Variants in HEMK2 observed in about 807,000 individuals in gnomAD.
HEMK2 encodes HemK methyltransferase 2, ETF1 glutamine and histone H4 lysine.
At chr21:28,606,750 GCTT>G in the HEMK2 span, among the ~76,000 whole-genome samples, 2 of 152,142 alleles carry the variant, frequency 1.3e-5, no homozygotes, top group Non-Finnish European at 2.9e-5. Context: ...GACAGAAAAG[GCTT>G]CTGCCTCAAT....
At chr21:28,863,453 T>C in the HEMK2 span, among the ~76,000 whole-genome samples, 18 of 95,118 alleles carry the variant, frequency 1.9e-4, no homozygotes, top group African/African-American at 4.1e-4. Context: ...TATATATATA[T>C]ATATATATAT....
At chr21:28,871,254 C>T in the HEMK2 span, among the ~76,000 whole-genome samples, 2 of 152,120 alleles carry the variant, frequency 1.3e-5, no homozygotes, top group South Asian at 4.1e-4. Context: ...GCTCACGGTT[C>T]CACAGGCCGT....
At chr21:28,751,697 G>C in the HEMK2 span, among the ~76,000 whole-genome samples, 2 of 152,188 alleles carry the variant, frequency 1.3e-5, no homozygotes, top group Non-Finnish European at 2.9e-5. Context: ...GTTTGTTTTT[G>C]AGACAGAGTT....
chr21:28,662,734 AAGAAGGACGTGCTT>A, the HEMK2 span, among the ~76,000 whole-genome samples: 1,442 of 152,146 alleles, frequency 9.5e-3, 23 homozygotes, highest in African/African-American at 0.033. Context: ...CCATCATGTG[AAGAAGGACGTGCTT>A]GCTACCCTTC....
the HEMK2 span, among the ~76,000 whole-genome samples, chr21:28,687,370 G>C: frequency 1.3e-5 from 2 of 152,126 alleles, no homozygotes; most frequent in African/African-American, 4.8e-5. Context: ...AAAATAAATG[G>C]ATTGACTTAG....
chr21:28,601,604 ATCTCTCTC>A, the HEMK2 span, among the ~76,000 whole-genome samples: 594 of 126,772 alleles, frequency 4.7e-3, 4 homozygotes, highest in African/African-American at 0.012. Flanking sequence ...ACCTTCTGAC[ATCTCTCTC>A]TCTCTCTCTC....
At chr21:28,671,524 T>C in the HEMK2 span, among the ~76,000 whole-genome samples, 2 of 152,182 alleles carry the variant, frequency 1.3e-5, no homozygotes. Flanking sequence ...AAATCAAACA[T>C]TTCTGGGACT....
At chr21:28,584,396 A>G in the HEMK2 span, among the ~76,000 whole-genome samples, 1 of 152,228 alleles carries the variant, frequency 6.6e-6, no homozygotes, top group Non-Finnish European at 1.5e-5. Context: ...AGTTCTGCTC[A>G]TAGCTTCTGA....
chr21:28,763,592 C>G, the HEMK2 span, among the ~76,000 whole-genome samples: 1 of 152,056 alleles, frequency 6.6e-6, no homozygotes, highest in Non-Finnish European at 1.5e-5. Context: ...CTATATCACA[C>G]GTGAACATTC....
At chr21:28,700,843 A>ACACG in the HEMK2 span, among the ~76,000 whole-genome samples, 1 of 151,900 alleles carries the variant, frequency 6.6e-6, no homozygotes, top group South Asian at 2.1e-4. Context: ...ACACACACAC[A>ACACG]CACAAAGAAC....
the HEMK2 span, among the ~76,000 whole-genome samples, chr21:28,754,250 G>A: frequency 6.6e-6 from 1 of 152,174 alleles, no homozygotes; most frequent in Non-Finnish European, 1.5e-5. Flanking sequence ...AAATTCAATC[G>A]GTACCAGCAG....
At chr21:28,854,941 A>G in the HEMK2 span, among the ~76,000 whole-genome samples, 2 of 152,138 alleles carry the variant, frequency 1.3e-5, no homozygotes, top group Non-Finnish European at 2.9e-5. Context: ...TTGACACTAT[A>G]AAGCAGCCAC....
At chr21:28,670,949 T>C in the HEMK2 span, 3 of 152,342 alleles carry the variant, frequency 2.0e-5, no homozygotes, top group African/African-American at 4.8e-5. Flanking sequence ...ATGGGGATTA[T>C]GGGGATTACA....
the HEMK2 span, among the ~76,000 whole-genome samples, chr21:28,659,778 T>C: frequency 6.6e-6 from 1 of 152,066 alleles, no homozygotes; most frequent in African/African-American, 2.4e-5. Flanking sequence ...TTATTCATCT[T>C]CAGTATTGCC....
At chr21:28,605,507 C>G in the HEMK2 span, among the ~76,000 whole-genome samples, 2 of 152,240 alleles carry the variant, frequency 1.3e-5, no homozygotes, top group East Asian at 3.9e-4. Context: ...AAGGCCATGG[C>G]AAGTTGTGAC....
the HEMK2 span, among the ~76,000 whole-genome samples, chr21:28,722,181 G>A: frequency 6.6e-6 from 1 of 151,594 alleles, no homozygotes; most frequent in East Asian, 1.9e-4. Context: ...AAGGTAGGAA[G>A]ATAGAGTAAA....
chr21:28,679,502 G>C, the HEMK2 span, among the ~76,000 whole-genome samples: 2 of 152,104 alleles, frequency 1.3e-5, no homozygotes, highest in Admixed American at 1.3e-4. Flanking sequence ...GAGACAGACA[G>C]TCAACAAGGA....
the HEMK2 span, among the ~76,000 whole-genome samples, chr21:28,582,076 G>A: frequency 1.2e-4 from 18 of 152,202 alleles, no homozygotes; most frequent in East Asian, 3.1e-3. Flanking sequence ...AACTGAAAAG[G>A]AGCCACAAAC....
the HEMK2 span, among the ~76,000 whole-genome samples, chr21:28,669,387 G>A: frequency 1.3e-5 from 2 of 152,114 alleles, no homozygotes; most frequent in East Asian, 3.9e-4. Flanking sequence ...GTTTCTGATG[G>A]ATTGGATGTT....
Sources: allele counts gnomAD v4.1 joint callset (sites outside exome capture counted in the v4.1 genomes callset), GRCh38; gene constraint gnomAD v4.1.1; transcripts MANE v1.5; gene names NCBI Gene and HGNC (gene_info 2026-07-23, HGNC 2026-07-21).